CNTN4: variants seen among roughly 807,000 people sequenced by gnomAD.
The protein encoded by CNTN4 is contactin 4, also known as contactin-4.
CNTN4 carries 77 observed loss-of-function variants against 122.5 expected under a neutral mutation model. The observed-to-expected ratio is 0.63, with a 90% confidence interval of 0.52 to 0.76. The LOEUF is 0.76. Ranked by LOEUF, CNTN4 falls within the 30% of genes least tolerant of loss-of-function variation. The pLI is 0.00. For synonymous variants in CNTN4, 512 were observed against 447.0 expected (o/e 1.15, Z -1.83); for missense variants, 1,256 against 1,259.1 (o/e 1.00, Z 0.04).
chr3:2,785,730 C>A (rs1344614328), intron 6 of CNTN4, among the ~76,000 whole-genome samples: 1 of 152,118 alleles, frequency 6.6e-6, no homozygotes, highest in African/African-American at 2.4e-5. Context: ...CATGTGGCGG[C>A]TCTGCTGAAG....
At chr3:2,710,220 G>A (rs2087050013) in intron 4 of CNTN4, among the ~76,000 whole-genome samples, 1 of 152,114 alleles carries the variant, frequency 6.6e-6, no homozygotes, top group Non-Finnish European at 1.5e-5. Context: ...TAGTTTTGCA[G>A]GCCTCAGAAA....
At chr3:3,033,999 G>A (rs576895403) in intron 16 of CNTN4, among the ~76,000 whole-genome samples, 3 of 152,166 alleles carry the variant, frequency 2.0e-5, no homozygotes, top group Non-Finnish European at 4.4e-5. Context: ...AGAAGGGAGC[G>A]CCTTGACTCT....
chr3:2,872,129 T>C (rs1200248012), intron 8 of CNTN4, among the ~76,000 whole-genome samples: 1 of 23,684 alleles, frequency 4.2e-5, no homozygotes, highest in African/African-American at 3.4e-4. Context: ...CCTGCACAGA[T>C]CTCAAAGAGT....
chr3:2,234,080 GCA>G (rs1160993069), intron 2 of CNTN4, among the ~76,000 whole-genome samples: 1 of 151,918 alleles, frequency 6.6e-6, no homozygotes, highest in Non-Finnish European at 1.5e-5. Context: ...TTCTGAAATG[GCA>G]ACCTGCCATT....
At chr3:2,303,993 C>T (rs2042616067) in intron 2 of CNTN4, among the ~76,000 whole-genome samples, 1 of 152,118 alleles carries the variant, frequency 6.6e-6, no homozygotes, top group Admixed American at 6.5e-5. Flanking sequence ...ATTATGGCAT[C>T]TTTGGTTGAG....
intron 7 of CNTN4, among the ~76,000 whole-genome samples, chr3:2,820,604 G>T (rs1438681067): frequency 6.6e-6 from 1 of 151,994 alleles, no homozygotes; most frequent in Non-Finnish European, 1.5e-5. Flanking sequence ...TTAATTATTT[G>T]GTTGGTTCCT....
chr3:2,537,885 G>T (rs1416810082), intron 3 of CNTN4, among the ~76,000 whole-genome samples: 1 of 151,970 alleles, frequency 6.6e-6, no homozygotes, highest in East Asian at 1.9e-4. Flanking sequence ...TCTGGAAGTG[G>T]AATGAAACTC....
chr3:2,769,958 T>A lies in CNTN4; in HGVS notation c.358+24261T>A, dbSNP rs76432283. 6.4e-3 allele frequency among the ~76,000 whole-genome samples: 981 copies of A among 152,256 alleles called. 3 individuals carry two copies. The highest frequency in any genetic ancestry group is 0.016 in the South Asian group (78 of 4,810). Reference sequence around the variant, plus strand: ...TGTGCTAGTTTCATGGTTAGATTAGTTATGTCCTGTTGCTGAAGAACAAGG... The same window carrying A: ...TGTGCTAGTTTCATGGTTAGATTAGATATGTCCTGTTGCTGAAGAACAAGG... On this transcript the variant is annotated intron_variant, in intron 6 of 24. Transcript: ENST00000418658.
chr3:2,777,890 T>C (rs1312612810), intron 6 of CNTN4, among the ~76,000 whole-genome samples: 1 of 152,166 alleles, frequency 6.6e-6, no homozygotes, highest in Non-Finnish European at 1.5e-5. Context: ...CCAATAGTTT[T>C]GTTTCTCAGT....
At chr3:2,875,701 T>G (rs1272038426) in intron 8 of CNTN4, among the ~76,000 whole-genome samples, 1 of 152,222 alleles carries the variant, frequency 6.6e-6, no homozygotes, top group Non-Finnish European at 1.5e-5. Flanking sequence ...ATTAAATATC[T>G]GAAGACTGTC....
intron 13 of CNTN4, among the ~76,000 whole-genome samples, chr3:2,959,152 G>A (rs1298445540): frequency 6.6e-6 from 1 of 152,100 alleles, no homozygotes; most frequent in Non-Finnish European, 1.5e-5. Context: ...CTATTCCTTT[G>A]GGCAAGGAAA....
intron 2 of CNTN4, among the ~76,000 whole-genome samples, chr3:2,237,068 A>G (rs914717282): frequency 1.3e-5 from 2 of 152,172 alleles, no homozygotes; most frequent in African/African-American, 4.8e-5. Context: ...TTGTAGGCCA[A>G]TTGAAGAATT....
At chr3:2,429,103 A>G (rs1436805273) in intron 3 of CNTN4, among the ~76,000 whole-genome samples, 2 of 152,122 alleles carry the variant, frequency 1.3e-5, no homozygotes, top group Non-Finnish European at 2.9e-5. Flanking sequence ...TTCTCCATCC[A>G]GGTTTGTTCC....
At chr3:2,189,641 T>A (rs2037433670) in intron 2 of CNTN4, among the ~76,000 whole-genome samples, 1 of 152,208 alleles carries the variant, frequency 6.6e-6, no homozygotes, top group Non-Finnish European at 1.5e-5. Flanking sequence ...AATGAGGGGC[T>A]GGAGCCCCAT....
At chr3:2,452,633 T>C (rs1208144177) in intron 3 of CNTN4, among the ~76,000 whole-genome samples, 1 of 152,206 alleles carries the variant, frequency 6.6e-6, no homozygotes, top group Non-Finnish European at 1.5e-5. Flanking sequence ...TATTTTTTGC[T>C]GAATTGGTAT....
chr3:2,973,305 G>A (rs1693109808), intron 13 of CNTN4, among the ~76,000 whole-genome samples: 1 of 151,956 alleles, frequency 6.6e-6, no homozygotes, highest in Admixed American at 6.5e-5. Context: ...GAACACCCAG[G>A]TATTAACTTA....
chr3:2,657,994 A>G (rs2083675344), intron 4 of CNTN4, among the ~76,000 whole-genome samples: 1 of 149,550 alleles, frequency 6.7e-6, no homozygotes. Flanking sequence ...TTGCCCATAC[A>G]GAGGAAAGGA....
intron 3 of CNTN4, among the ~76,000 whole-genome samples, chr3:2,495,925 A>G (rs969841096): frequency 1.3e-5 from 2 of 152,214 alleles, no homozygotes; most frequent in African/African-American, 4.8e-5. Context: ...AGCACAGAGA[A>G]GGCACAGATG....
chr3:3,028,705 T>C (rs1698931620), intron 15 of CNTN4, among the ~76,000 whole-genome samples: 1 of 152,204 alleles, frequency 6.6e-6, no homozygotes, highest in South Asian at 2.1e-4. Flanking sequence ...TGAAATTTCT[T>C]AGGTAAAGTA....
Sources: allele counts gnomAD v4.1 joint callset (sites outside exome capture counted in the v4.1 genomes callset), GRCh38; gene constraint gnomAD v4.1.1; transcripts MANE v1.5; gene names NCBI Gene and HGNC (gene_info 2026-07-23, HGNC 2026-07-21).